The following PLA2G4A variants were observed in gnomAD, a reference collection of about 807,000 sequenced individuals.
PLA2G4A encodes phospholipase A2 group IVA.
In PLA2G4A, 40 loss-of-function variants were observed where a neutral mutation model predicts 81.9. The observed-to-expected ratio is 0.49, with a 90% CI of 0.38 to 0.64. PLA2G4A has a LOEUF of 0.64. Among genes scored for constraint, PLA2G4A ranks in the 30% least tolerant of loss-of-function variants. The pLI, the probability that PLA2G4A is intolerant of heterozygous loss-of-function variation, is 0.00. For missense variants in PLA2G4A, 715 were observed against 905.1 expected (o/e 0.79, Z 2.69); for synonymous variants, 302 against 296.9 (o/e 1.02, Z -0.18).
intron 7 of PLA2G4A, among the ~76,000 whole-genome samples, chr1:186,919,552 AT>A (rs1375252730): frequency 1.3e-5 from 2 of 152,076 alleles, no homozygotes; most frequent in Non-Finnish European, 2.9e-5. Flanking sequence ...TTGGCAGGAA[AT>A]TTTTGTAGGT....
chr1:186,979,943 C>CCTTT, intron 17 of PLA2G4A, among the ~76,000 whole-genome samples: 1 of 98,794 alleles, frequency 1.0e-5, no homozygotes, highest in Admixed American at 1.4e-4. Flanking sequence ...ACAGCATTTC[C>CCTTT]TTTTTTTTTT....
chr1:186,868,413 A>G lies in PLA2G4A; in HGVS notation c.34-2022A>G, dbSNP rs1653116472. On this transcript the variant is annotated intron_variant, in intron 2 of 17. Coordinates refer to ENST00000367466, the MANE Select transcript of PLA2G4A (RefSeq NM_024420.3). ...TTCTTTTTCTATGTTGTTGGACTTG[A>G]TTTGCTAATATTTTGATGAGAACTT... is the stretch of plus-strand genomic sequence containing the variant. Among the ~76,000 whole-genome samples the G allele has an allele frequency of 2.0e-5, 3 of 152,030 alleles. No homozygotes were observed. In the South Asian group the frequency reaches 6.2e-4, roughly 31 times the overall value.
At chr1:186,944,077 A>G (rs914571648) in intron 10 of PLA2G4A, among the ~76,000 whole-genome samples, 4 of 152,138 alleles carry the variant, frequency 2.6e-5, no homozygotes, top group African/African-American at 4.8e-5. Context: ...GTGTGATGCA[A>G]TGATGGATTT....
intron 13 of PLA2G4A, 45 bp from the exon 14 acceptor site, chr1:186,956,057 A>T: frequency 6.3e-7 from 1 of 1,582,246 alleles, no homozygotes; most frequent in Non-Finnish European, 8.7e-7. Flanking sequence ...CCCTTTTTAA[A>T]CATGTATTTT....
At chr1:186,887,855 G>T (rs571509784) in intron 3 of PLA2G4A, among the ~76,000 whole-genome samples, 1 of 152,256 alleles carries the variant, frequency 6.6e-6, no homozygotes, top group South Asian at 2.1e-4. Flanking sequence ...GATGGTTATA[G>T]ATTATGCAAA....
chr1:186,932,724 T>G, intron 7 of PLA2G4A, 39 bp from the exon 8 acceptor site: 1 of 1,603,518 alleles, frequency 6.2e-7, no homozygotes, highest in Non-Finnish European at 8.5e-7. Flanking sequence ...TTTTATGATT[T>G]TTACTTTGTG....
At chr1:186,953,144 G>C (rs1434415999) in intron 13 of PLA2G4A, among the ~76,000 whole-genome samples, 1 of 152,162 alleles carries the variant, frequency 6.6e-6, no homozygotes, top group Admixed American at 6.5e-5. Flanking sequence ...ACTGCCAAAT[G>C]GTCTTCCAAA....
At chr1:186,915,958 G>T (rs556992205) in intron 7 of PLA2G4A, among the ~76,000 whole-genome samples, 1 of 152,104 alleles carries the variant, frequency 6.6e-6, no homozygotes, top group African/African-American at 2.4e-5. Context: ...ATCAGGAACT[G>T]GGTCTACAGG....
At chr1:186,970,193 G>T (rs1317810689) in intron 15 of PLA2G4A, among the ~76,000 whole-genome samples, 3 of 151,814 alleles carry the variant, frequency 2.0e-5, no homozygotes, top group Non-Finnish European at 2.9e-5. Context: ...TATTCCTGTT[G>T]GGCATTTGTA....
At chr1:186,899,650 T>A (rs1228043333) in intron 5 of PLA2G4A, among the ~76,000 whole-genome samples, 1 of 152,308 alleles carries the variant, frequency 6.6e-6, no homozygotes, top group Middle Eastern at 3.4e-3. Flanking sequence ...TCTGATGTTA[T>A]CTTACTTACA....
intron 17 of PLA2G4A, among the ~76,000 whole-genome samples, chr1:186,986,206 C>A (rs1657886257): frequency 6.6e-6 from 1 of 152,142 alleles, no homozygotes; most frequent in Admixed American, 6.5e-5. Context: ...TACGATAAAT[C>A]CACTAGTTCC....
At chr1:186,830,261 G>A (rs1463354069) in intron 1 of PLA2G4A, among the ~76,000 whole-genome samples, 1 of 152,162 alleles carries the variant, frequency 6.6e-6, no homozygotes, top group African/African-American at 2.4e-5. Context: ...TCCCTTAGGG[G>A]AAGCATATTT....
chr1:186,889,791 T>TC (rs770255365), intron 3 of PLA2G4A, among the ~76,000 whole-genome samples: 1 of 151,856 alleles, frequency 6.6e-6, no homozygotes, highest in Admixed American at 6.6e-5. Flanking sequence ...ACTTCTTCTC[T>TC]CCCCCCTCCC....
intron 10 of PLA2G4A, among the ~76,000 whole-genome samples, chr1:186,940,767 AT>A (rs1656123358): frequency 6.6e-6 from 1 of 152,210 alleles, no homozygotes; most frequent in African/African-American, 2.4e-5. Context: ...TTTTTAAAAA[AT>A]ATTTTTGATC....
At chr1:186,855,310 T>C (rs1652511503) in intron 2 of PLA2G4A, among the ~76,000 whole-genome samples, 1 of 151,992 alleles carries the variant, frequency 6.6e-6, no homozygotes, top group African/African-American at 2.4e-5. Flanking sequence ...CTTGAAACTC[T>C]TCTCAGATTT....
intron 15 of PLA2G4A, among the ~76,000 whole-genome samples, chr1:186,972,481 A>G (rs1488585131): frequency 2.0e-5 from 3 of 152,182 alleles, no homozygotes; most frequent in East Asian, 1.9e-4. Flanking sequence ...GGGGAGCAAG[A>G]AAGCAAGGAA....
At chr1:186,860,305 C>T (rs750973318) in intron 2 of PLA2G4A, among the ~76,000 whole-genome samples, 7 of 152,146 alleles carry the variant, frequency 4.6e-5, no homozygotes, top group Non-Finnish European at 8.8e-5. Flanking sequence ...TCTGCCATCT[C>T]AAGCTGGAAA....
rs189166983 is a variant in PLA2G4A, at chr1:186,845,394, T to C, written c.-69-8892T>C. Among the ~76,000 whole-genome samples, 15 of 152,146 alleles carry C rather than the reference T, an allele frequency of 9.9e-5. No individual in the cohort carries two copies. The East Asian group carries it at 1.4e-3, about 14-fold the overall frequency. On this transcript the variant is annotated intron_variant, in intron 1 of 17. Transcript: ENST00000367466. ...GATTTACATATATTTTCTTATTTCA[T>C]CCTCCCACTGTCTCTGTGAGGATTA...
At chr1:186,835,285 T>C (rs1352510675) in intron 1 of PLA2G4A, among the ~76,000 whole-genome samples, 2 of 152,166 alleles carry the variant, frequency 1.3e-5, no homozygotes, top group Non-Finnish European at 2.9e-5. Context: ...CTTGGATCTA[T>C]AAGAAGAGAC....
Sources: allele counts gnomAD v4.1 joint callset (sites outside exome capture counted in the v4.1 genomes callset), GRCh38; gene constraint gnomAD v4.1.1; transcripts MANE v1.5; gene names NCBI Gene and HGNC (gene_info 2026-07-23, HGNC 2026-07-21).